CFAP46: variants seen among roughly 807,000 people sequenced by gnomAD.
CFAP46 encodes cilia- and flagella-associated protein 46.
Under a neutral mutation model 325.7 loss-of-function variants are expected in CFAP46, and 245 were observed. The ratio of observed to expected loss-of-function variants is 0.75; its 90% CI spans 0.68 to 0.84. The LOEUF is 0.84. Among genes scored for constraint, CFAP46 ranks in the 40% least tolerant of loss-of-function variants. CFAP46 has a pLI of 0.00. For synonymous variants in CFAP46, 1,523 were observed against 1,495.9 expected, an observed-to-expected ratio of 1.02 and a Z score of -0.42; for missense variants, 3,346 against 3,543.0, an observed-to-expected ratio of 0.94 and a Z score of 1.41.
At chr10:132,929,667 G>C (rs149229934) in intron 9 of CFAP46, 38 bp downstream of exon 9, 1 of 1,564,432 alleles carries the variant, frequency 6.4e-7, no homozygotes, top group South Asian at 1.1e-5. Context: ...GGTGAGCAGC[G>C]CCTCATCCCC....
At position 132,908,595 on chromosome 10, in the gene CFAP46, G is replaced by C. The variant is rs1849494212; in HGVS notation, c.2797C>G (p.Leu933Val). ...CGCGTCAGGGTCTGCAGCTCCACCAGGGGGTCCGACCAGTTGCACTCGGAA... is the reference window on the plus strand; with the variant it reads ...CGCGTCAGGGTCTGCAGCTCCACCACGGGGTCCGACCAGTTGCACTCGGAA... ...MASECNWSDPLVELQTLTRLT... is the reference protein window; with the variant it reads ...MASECNWSDPVVELQTLTRLT... The change falls in exon 22 of 58, where the codon CTG (leucine) becomes GTG (valine). Residue 933 changes from leucine (L) to valine (V), a missense_variant. Coordinates refer to ENST00000368586, the MANE Select transcript of CFAP46 (RefSeq NM_001200049.3). 1.3e-6 allele frequency: 2 copies of C among 1,549,044 alleles called. No individual in the cohort carries two copies. The highest frequency in any genetic ancestry group is 1.7e-6 in the Non-Finnish European group (2 of 1,146,174).
rs144821891 is a variant in CFAP46 at position 132,881,003 on chromosome 10, C to T, written c.3657G>A (p.Glu1219=). ...GCCACTGGCCGAACTCCATGAGGTA[C>T]TCCACCTTCTGCCACTCCATCTCAG... The part of the protein sequence containing the change: ...QKPEMEWQKV[E]YLMEFGQWLH... The change falls in exon 28 of 58, where the codon GAG becomes GAA. Residue 1219 remains glutamate, a synonymous_variant. Transcript: ENST00000368586. The T allele has an allele frequency of 7.7e-6, 12 of 1,550,538 alleles. No individual in the cohort carries two copies. The East Asian group carries it at 2.9e-4, about 38-fold the overall frequency.
Position 132,860,895 on chromosome 10 carries a change from T to A in CFAP46, c.4978A>T (p.Lys1660Ter), listed in dbSNP as rs754647409. 3.2e-6 allele frequency: 5 copies of A among 1,550,824 alleles called. No individual in the cohort carries two copies. Among genetic ancestry groups the A allele is most frequent in the Non-Finnish European group, 4.4e-6 (5 of 1,147,040 alleles). The change falls in exon 36 of 58, where the codon AAA becomes TAA. Residue 1660 changes from lysine to a stop codon, truncating the protein, a stop_gained. Coordinates refer to ENST00000368586, the MANE Select transcript of CFAP46 (RefSeq NM_001200049.3). LOFTEE classifies it high-confidence loss of function. ...AGGTGCTGGGCCTGTGCGATCATTT[T>A]CTTGGCTTGTCCATAGTTTTTCTCC... ...NKEKNYGQAK[K>*]MIAQAQHLGG...
intron 2 of CFAP46, 105 bp from the exon 3 acceptor site, chr10:132,941,827 A>AG (rs1287348218): frequency 1.3e-6 from 2 of 1,552,926 alleles, no homozygotes; most frequent in Non-Finnish European, 1.7e-6. Context: ...GCACAGGTGG[A>AG]GCCTGTTTCC....
intron 19 of CFAP46, among the ~76,000 whole-genome samples, chr10:132,912,199 C>T (rs1035633324): frequency 2.7e-5 from 3 of 111,814 alleles, no homozygotes; most frequent in Non-Finnish European, 4.0e-5. Flanking sequence ...TCTTTCCTCT[C>T]TCTCTCTTCC....
chr10:132,844,126 T>C (rs1268429866), intron 44 of CFAP46, among the ~76,000 whole-genome samples: 1 of 149,404 alleles, frequency 6.7e-6, no homozygotes, highest in Non-Finnish European at 1.5e-5. Context: ...GCTGTGGAGC[T>C]GCTCCTGGTG....
intron 56 of CFAP46, 49 bp downstream of exon 56, chr10:132,810,901 C>T: frequency 1.3e-6 from 2 of 1,520,794 alleles, no homozygotes; most frequent in Non-Finnish European, 1.8e-6. Flanking sequence ...GTCTGTCTGA[C>T]CTCTCCATCC....
chr10:132,938,107 A>G (rs995275506), intron 5 of CFAP46, among the ~76,000 whole-genome samples: 2 of 152,178 alleles, frequency 1.3e-5, no homozygotes, highest in Non-Finnish European at 2.9e-5. Context: ...CGCCCGGCAC[A>G]GTGACCGAAG....
At position 132,878,045 on chromosome 10, in the gene CFAP46, G is replaced by A; in HGVS notation, c.4048C>T (p.Pro1350Ser). ...AGATGTGAGCTGGTTGCTGCCAGGG[G>A]TCTGTTTTCCAGAACTGATTTTCCT... ...TAGKSVLENR[P>S]LAATSSHLLL... is the part of the protein sequence containing the mutation. The change falls in exon 30 of 58, where the codon CCC (proline) becomes TCC (serine). Residue 1350 changes from proline to serine, a missense_variant. By Grantham distance (74) the Pro-to-Ser change is moderately conservative (BLOSUM62 -1). Transcript: ENST00000368586. 1 of 1,549,150 alleles carries A rather than the reference G, an allele frequency of 6.5e-7. No individual in the cohort carries two copies. The highest frequency in any genetic ancestry group is 8.7e-7 in the Non-Finnish European group (1 of 1,146,340).
At chr10:132,929,510 GC>G in intron 9 of CFAP46, 194 bp downstream of exon 9, 1 of 782,046 alleles carries the variant, frequency 1.3e-6, no homozygotes, top group Non-Finnish European at 2.4e-6. Flanking sequence ...AGAGAAACGG[GC>G]AGGTGTAAAA....
intron 36 of CFAP46, 98 bp from the exon 37 acceptor site, chr10:132,860,621 G>T: frequency 2.5e-6 from 3 of 1,179,610 alleles, no homozygotes; most frequent in South Asian, 1.4e-5. Context: ...CGGGCCTGAG[G>T]ACAGGCGGGG....
Position 132,909,988 on chromosome 10 carries a change from G to A in CFAP46, c.2580C>T (p.Ile860=), listed in dbSNP as rs776410940. 37 of 1,543,526 alleles carry A rather than the reference G, an allele frequency of 2.4e-5. No homozygotes were observed. Among genetic ancestry groups the A allele is most frequent in the Non-Finnish European group, 2.9e-5 (33 of 1,144,638 alleles). The part of the protein sequence containing the change: ...TVPTGTRQQL[I]ATWVKAKQLL... ...GCTGCTTGGCCTTGACCCAGGTGGCGATAAGCTGCTGCCGGGTGCCGGTGG... is the reference window on the plus strand; with the variant it reads ...GCTGCTTGGCCTTGACCCAGGTGGCAATAAGCTGCTGCCGGGTGCCGGTGG... The change falls in exon 20 of 58, where the codon ATC becomes ATT. Residue 860 remains isoleucine, a synonymous_variant. Transcript: ENST00000368586.
intron 25 of CFAP46, among the ~76,000 whole-genome samples, chr10:132,887,160 CT>C (rs1412414058): frequency 2.6e-5 from 1 of 38,460 alleles, no homozygotes; most frequent in African/African-American, 2.5e-4. Flanking sequence ...TCTCTCTCCT[CT>C]CTCTTCTTTC....
intron 50 of CFAP46, 103 bp from the exon 51 acceptor site, chr10:132,815,017 G>GAA (rs368225406): frequency 2.2e-5 from 20 of 916,000 alleles, no homozygotes; most frequent in South Asian, 4.9e-5. Flanking sequence ...TCACTTAAAT[G>GAA]AAAAAAAAAA....
intron 35 of CFAP46, 92 bp from the exon 36 acceptor site, chr10:132,861,074 CAGAG>C (rs35770886): frequency 2.5e-6 from 3 of 1,214,218 alleles, no homozygotes; most frequent in Admixed American, 2.0e-5. Flanking sequence ...AAGAGGGAGA[CAGAG>C]AGGCAGAGAC....
intron 43 of CFAP46, among the ~76,000 whole-genome samples, chr10:132,846,573 T>C (rs1026879271): frequency 5.4e-4 from 82 of 151,574 alleles, no homozygotes; most frequent in African/African-American, 1.9e-3. Context: ...CCCGATCCTC[T>C]GTGGGACCTC....
chr10:132,812,683 G>T (rs1240772630), intron 55 of CFAP46, 102 bp downstream of exon 55: 3 of 798,778 alleles, frequency 3.8e-6, no homozygotes, highest in African/African-American at 1.7e-5. Context: ...GCGGCCACAG[G>T]GGGTGGGGGC....
In CFAP46 at chr10:132,828,087, G is replaced by T. The variant is rs1397927105; in HGVS notation, c.7117+5271C>A. On this transcript the variant is annotated intron_variant, in intron 50 of 57. Transcript: ENST00000368586. This position sits in a 1 kb window ranked among gnomAD's most constrained non-coding sequence, Gnocchi z 4.9. Reference sequence around the variant, plus strand: ...ACCCCAATGTGCTCATCGCCCACTGGGTGTCCAGGTGTCCGTCCTGTGGGT... The same window carrying T: ...ACCCCAATGTGCTCATCGCCCACTGTGTGTCCAGGTGTCCGTCCTGTGGGT... 6.6e-6 allele frequency among the ~76,000 whole-genome samples: 1 copy of T among 152,204 alleles called. No individual in the cohort carries two copies. Among genetic ancestry groups the T allele is most frequent in the South Asian group, 2.1e-4 (1 of 4,828 alleles).
intron 44 of CFAP46, 79 bp downstream of exon 44, chr10:132,845,978 G>C: frequency 6.9e-7 from 1 of 1,456,826 alleles, no homozygotes; most frequent in Non-Finnish European, 9.2e-7. Context: ...TCGCTCAGGC[G>C]TGGGACTGTG....
Sources: gnomAD v4.1 joint callset for allele counts (sites outside exome capture counted in the v4.1 genomes callset) on GRCh38, gnomAD v4.1.1 for gene constraint, Gnocchi (gnomAD v3.1) non-coding constraint, MANE v1.5 for transcripts, NCBI Gene and HGNC (gene_info 2026-07-23, HGNC 2026-07-21) for gene names.